SGCD: variants seen among roughly 807,000 people sequenced by gnomAD.
SGCD encodes delta-sarcoglycan.
Under a neutral mutation model 36.6 loss-of-function variants are expected in SGCD, and 18 were observed. That is an observed-to-expected ratio of 0.49 (90% CI 0.34 to 0.73). The LOEUF is 0.73. Ranked by LOEUF, SGCD falls within the 30% of genes least tolerant of loss-of-function variation. The pLI is 0.01. For missense variants in SGCD, 387 were observed against 346.7 expected (o/e 1.12, Z -0.92); for synonymous variants, 133 against 130.6 (o/e 1.02, Z -0.12).
chr5:156,125,568 T>C (rs559679163), intron 3 of SGCD, among the ~76,000 whole-genome samples: 57 of 152,192 alleles, frequency 3.7e-4, no homozygotes, highest in African/African-American at 1.3e-3. Flanking sequence ...CAAATACACA[T>C]TCCTCCTTCT....
intron 1 of SGCD, among the ~76,000 whole-genome samples, chr5:156,076,941 G>C (rs188250887): frequency 3.9e-5 from 6 of 152,272 alleles, no homozygotes; most frequent in Admixed American, 3.9e-4. Context: ...ATGGCCTTAA[G>C]ATTGGGCCAA....
At chr5:156,665,210 C>A (rs1247308524) in intron 7 of SGCD, among the ~76,000 whole-genome samples, 1 of 151,386 alleles carries the variant, frequency 6.6e-6, no homozygotes, top group East Asian at 1.9e-4. Context: ...CTTACGGGCA[C>A]CTGACCTGCT....
At chr5:155,980,410 C>A (rs1758201850) in intron 1 of SGCD, among the ~76,000 whole-genome samples, 1 of 151,262 alleles carries the variant, frequency 6.6e-6, no homozygotes, top group South Asian at 2.1e-4. Flanking sequence ...ACGGTGAAAC[C>A]CCGTCTCTAC....
the SGCD span, among the ~76,000 whole-genome samples, chr5:155,789,136 C>G: frequency 6.6e-6 from 1 of 152,038 alleles, no homozygotes; most frequent in African/African-American, 2.4e-5. Context: ...TAGCTGGAGA[C>G]CAGGGAGTTA....
intron 1 of SGCD, among the ~76,000 whole-genome samples, chr5:155,901,216 G>T (rs1756382491): frequency 1.3e-5 from 2 of 151,748 alleles, no homozygotes; most frequent in South Asian, 4.2e-4. Flanking sequence ...GGAGGCTGAG[G>T]TAGAAGAATT....
At chr5:155,878,582 A>G (rs1255844449) in intron 1 of SGCD, among the ~76,000 whole-genome samples, 1 of 152,132 alleles carries the variant, frequency 6.6e-6, no homozygotes, top group Admixed American at 6.5e-5. Flanking sequence ...CTTGATAAGA[A>G]TACTCAAGAC....
At chr5:156,639,480 C>T (rs1275690826) in intron 6 of SGCD, among the ~76,000 whole-genome samples, 1 of 152,166 alleles carries the variant, frequency 6.6e-6, no homozygotes, top group Non-Finnish European at 1.5e-5. Flanking sequence ...AGGCTGGTGC[C>T]TATATAAAAG....
At chr5:155,879,762 A>G (rs763379194) in intron 1 of SGCD, among the ~76,000 whole-genome samples, 12 of 152,176 alleles carry the variant, frequency 7.9e-5, no homozygotes, top group Non-Finnish European at 1.8e-4. Context: ...AGATTTTCAT[A>G]TTAAAAACGT....
intron 3 of SGCD, among the ~76,000 whole-genome samples, chr5:156,253,952 C>T (rs1287361022): frequency 6.6e-6 from 1 of 152,138 alleles, no homozygotes; most frequent in Non-Finnish European, 1.5e-5. Context: ...GTGAGTAAAA[C>T]AGTAAAAGCC....
chr5:155,803,939 A>G, the SGCD span, among the ~76,000 whole-genome samples: 1 of 152,342 alleles, frequency 6.6e-6, no homozygotes, highest in African/African-American at 2.4e-5. Context: ...CCCATTGAGA[A>G]ACATGGTGAT....
At chr5:156,373,249 G>C (rs548670955) in intron 3 of SGCD, among the ~76,000 whole-genome samples, 2 of 152,062 alleles carry the variant, frequency 1.3e-5, no homozygotes, top group Admixed American at 1.3e-4. Flanking sequence ...TTACATTTTC[G>C]ACTTCTTCTT....
chr5:156,724,995 C>G (rs1014172499), intron 7 of SGCD, among the ~76,000 whole-genome samples: 2 of 152,232 alleles, frequency 1.3e-5, no homozygotes, highest in African/African-American at 4.8e-5. Context: ...TCACATAGTG[C>G]TCTGTTGGAC....
At chr5:156,539,939 A>G (rs1023182310) in intron 4 of SGCD, among the ~76,000 whole-genome samples, 2 of 152,166 alleles carry the variant, frequency 1.3e-5, no homozygotes, top group African/African-American at 4.8e-5. Flanking sequence ...ACTCAGTTAT[A>G]ATATGTGAAT....
At chr5:155,860,889 A>G in the SGCD span, among the ~76,000 whole-genome samples, 1 of 152,234 alleles carries the variant, frequency 6.6e-6, no homozygotes, top group Non-Finnish European at 1.5e-5. Context: ...CTAGAGCTCT[A>G]AAGTATAATG....
At chr5:156,444,216 ATCTC>A (rs35914271) in intron 3 of SGCD, among the ~76,000 whole-genome samples, 13 of 90,674 alleles carry the variant, frequency 1.4e-4, no homozygotes, top group South Asian at 3.5e-4. Flanking sequence ...CCTTCCTTTT[ATCTC>A]TCTCTCTCTC....
chr5:155,836,862 G>A, the SGCD span, among the ~76,000 whole-genome samples: 2 of 152,116 alleles, frequency 1.3e-5, no homozygotes, highest in African/African-American at 2.4e-5. Context: ...TTGTAGCTCC[G>A]GTTCTAGTGT....
chr5:156,577,540 A>G (rs1398952310), intron 4 of SGCD, among the ~76,000 whole-genome samples: 1 of 152,124 alleles, frequency 6.6e-6, no homozygotes, highest in Admixed American at 6.5e-5. Flanking sequence ...TATCCTTCCT[A>G]TCCATGAGCG....
the SGCD span, among the ~76,000 whole-genome samples, chr5:155,847,996 G>A: frequency 9.2e-5 from 14 of 152,178 alleles, no homozygotes; most frequent in Non-Finnish European, 1.5e-4. Context: ...CAGAGATGAT[G>A]TCTCATTCAT....
At chr5:156,245,187 T>C (rs1380091255) in intron 3 of SGCD, among the ~76,000 whole-genome samples, 2 of 152,318 alleles carry the variant, frequency 1.3e-5, no homozygotes, top group South Asian at 2.1e-4. Context: ...TATTTTACGG[T>C]GCTTCCTCAA....
Sources: allele counts gnomAD v4.1 joint callset (sites outside exome capture counted in the v4.1 genomes callset), GRCh38; gene constraint gnomAD v4.1.1; transcripts MANE v1.5; gene names NCBI Gene and HGNC (gene_info 2026-07-23, HGNC 2026-07-21).